Variants in RREB1 observed in about 807,000 individuals in gnomAD.
The protein encoded by RREB1 is ras-responsive element-binding protein 1.
A neutral mutation model predicts 117.8 loss-of-function variants in RREB1; 27 were observed. That is an observed-to-expected ratio of 0.23 (90% confidence interval 0.17 to 0.32). The LOEUF is 0.32. Ranked by LOEUF, RREB1 falls within the 10% of genes least tolerant of loss-of-function variation. RREB1 has a pLI of 1.00. For missense variants in RREB1, 2,577 were observed against 2,378.2 expected (o/e 1.08, Z -1.74); for synonymous variants, 1,298 against 1,026.7 (o/e 1.26, Z -5.05).
intron 6 of RREB1, among the ~76,000 whole-genome samples, chr6:7,197,812 G>A (rs371409371): frequency 1.3e-5 from 2 of 152,182 alleles, no homozygotes; most frequent in South Asian, 2.1e-4. Context: ...CTGGACATCA[G>A]GATAGGCTTC....
At chr6:7,116,042 ACC>A (rs1761383234) in intron 1 of RREB1, among the ~76,000 whole-genome samples, 1 of 152,106 alleles carries the variant, frequency 6.6e-6, no homozygotes, top group South Asian at 2.1e-4. Flanking sequence ...ATTTCCTGCC[ACC>A]AGTTTCTCCT....
intron 1 of RREB1, among the ~76,000 whole-genome samples, chr6:7,145,545 G>T (rs1762817912): frequency 6.6e-6 from 1 of 152,106 alleles, no homozygotes; most frequent in Admixed American, 6.6e-5. Flanking sequence ...AAGAAGAAAA[G>T]AACTTGATGC....
intron 1 of RREB1, among the ~76,000 whole-genome samples, chr6:7,129,461 T>C (rs1762066058): frequency 6.6e-6 from 1 of 152,226 alleles, no homozygotes; most frequent in South Asian, 2.1e-4. Flanking sequence ...GGTTTGTGTG[T>C]CTGTGCTTTG....
chr6:7,111,829 G>T (rs1271128070), intron 1 of RREB1, among the ~76,000 whole-genome samples: 1 of 152,186 alleles, frequency 6.6e-6, no homozygotes, highest in Non-Finnish European at 1.5e-5. Context: ...GGATTTGTGT[G>T]TATAGTACCC....
intron 1 of RREB1, among the ~76,000 whole-genome samples, chr6:7,149,718 G>A (rs957786007): frequency 1.3e-5 from 2 of 152,150 alleles, no homozygotes; most frequent in African/African-American, 2.4e-5. Flanking sequence ...ACAGAGTTTC[G>A]CTCTGGTCGC....
intron 6 of RREB1, among the ~76,000 whole-genome samples, chr6:7,202,613 G>A (rs1415962063): frequency 2.6e-5 from 4 of 152,190 alleles, no homozygotes; most frequent in Non-Finnish European, 4.4e-5. Flanking sequence ...TGTAATATGG[G>A]GATATTCAGC....
chr6:7,231,779 C>G lies in RREB1; in HGVS notation c.3680C>G (p.Pro1227Arg). The change falls in exon 10 of 13, where the codon CCA becomes CGA. Residue 1227 changes from proline to arginine, a missense_variant. Coordinates refer to ENST00000379938, the MANE Select transcript of RREB1 (RefSeq NM_001003699.4). ...GPSDEEQGSP[P>R]EDKLLRAKRN... ...AGTGATGAAGAGCAGGGCAGTCCCC[C>G]AGAAGACAAGCTGCTGAGGGCCAAG... 2 of 1,613,820 alleles carry G rather than the reference C, an allele frequency of 1.2e-6. No homozygotes were observed. Among genetic ancestry groups the G allele is most frequent in the South Asian group, 1.1e-5 (1 of 91,086 alleles).
chr6:7,230,816 G>A lies in RREB1; in HGVS notation c.2717G>A (p.Gly906Asp), dbSNP rs768421497. The stretch of plus-strand genomic sequence containing the variant: ...GAGCCCCTGGACTTCTCGCAGAAGG[G>A]CCTGGCCCTGGTCCAAGTGAAGCAG... ...FNEPLDFSQKGLALVQVKQEN... is the reference protein window; with the variant it reads ...FNEPLDFSQKDLALVQVKQEN... Residue 906 changes from glycine to aspartate, a missense_variant, in exon 10 of 13, where the codon GGC becomes GAC. Physicochemically the swap from Gly to Asp is moderately conservative, Grantham distance 94. Transcript: ENST00000379938. 3 of 1,614,234 alleles carry A rather than the reference G, an allele frequency of 1.9e-6. No individual in the cohort carries two copies. Among genetic ancestry groups the A allele is most frequent in the Middle Eastern group, 1.6e-4 (1 of 6,062 alleles).
intron 2 of RREB1, among the ~76,000 whole-genome samples, chr6:7,180,542 G>A (rs1764734391): frequency 6.6e-6 from 1 of 152,236 alleles, no homozygotes; most frequent in Admixed American, 6.5e-5. Context: ...TAAAATGAGG[G>A]AAGCAGTAGA....
rs758136517 is a variant in RREB1 at position 7,240,466 on chromosome 6, C to T, written c.3837C>T (p.Cys1279=). The T allele has an allele frequency of 2.5e-6, 4 of 1,613,514 alleles. No individual in the cohort carries two copies. Among genetic ancestry groups the T allele is most frequent in the East Asian group, 2.2e-5 (1 of 44,868 alleles). The stretch of plus-strand genomic sequence containing the variant: ...AGAAACCCTTCCCTTGTCAAAAATG[C>T]GATGCCTTCTTTTCTACCAAATCTA... The part of the protein sequence containing the change: ...TGQKPFPCQK[C]DAFFSTKSNC... Residue 1279 remains cysteine (C), a synonymous_variant, in exon 11 of 13, where the codon TGC becomes TGT. Coordinates refer to ENST00000379938, the MANE Select transcript of RREB1 (RefSeq NM_001003699.4).
intron 1 of RREB1, among the ~76,000 whole-genome samples, chr6:7,115,597 G>A (rs1052964116): frequency 2.0e-5 from 3 of 152,112 alleles, no homozygotes; most frequent in Non-Finnish European, 4.4e-5. Context: ...TGGTGCTCAG[G>A]GCCATTGCTC....
intron 6 of RREB1, among the ~76,000 whole-genome samples, chr6:7,208,834 T>G (rs574028978): frequency 6.6e-5 from 10 of 152,230 alleles, no homozygotes; most frequent in Non-Finnish European, 1.5e-4. Flanking sequence ...TCAGGTTATA[T>G]CCTTAAGATT....
rs1581605986 is a variant in RREB1, at chr6:7,250,662, T to G, written c.*1694T>G. 1 of 152,174 alleles carries G rather than the reference T, an allele frequency of 6.6e-6. No individual in the cohort carries two copies. Among genetic ancestry groups the G allele is most frequent in the Non-Finnish European group, 1.5e-5 (1 of 68,020 alleles). The allele number at this position is 152,174 out of a possible 1,614,324, so 9.4% of individuals were successfully genotyped here. A position where few individuals can be genotyped will look rare whatever the true frequency, so the allele number is the denominator to read the frequency against. On this transcript the variant is annotated 3_prime_UTR_variant, in exon 13 of 13. Coordinates refer to ENST00000379938, the MANE Select transcript of RREB1 (RefSeq NM_001003699.4). ...CCCTGGCCTTTTCTGGCCCCAGTGC[T>G]CCTCCTTTACATAGACTTGTTCACA... is the stretch of plus-strand genomic sequence containing the variant.
At chr6:7,190,370 G>A (rs890817369) in intron 6 of RREB1, among the ~76,000 whole-genome samples, 2 of 152,110 alleles carry the variant, frequency 1.3e-5, no homozygotes, top group Non-Finnish European at 2.9e-5. Context: ...ATAAGGCTGA[G>A]GATTCGGTGC....
intron 1 of RREB1, among the ~76,000 whole-genome samples, chr6:7,135,287 A>G (rs1421532105): frequency 1.3e-5 from 2 of 152,208 alleles, no homozygotes; most frequent in African/African-American, 4.8e-5. Flanking sequence ...TTAATCAGTA[A>G]ACGTAAACAA....
In RREB1 at chr6:7,229,511, A is replaced by C; in HGVS notation, c.1412A>C (p.Gln471Pro). ...GESAIELADI[Q>P]QILKMAASAP... The stretch of plus-strand genomic sequence containing the variant: ...TCGGCCATCGAGCTGGCAGACATCC[A>C]GCAAATTCTGAAGATGGCAGCCTCG... Residue 471 changes from glutamine to proline, a missense_variant, in exon 10 of 13, where the codon CAG (glutamine) becomes CCG (proline). Transcript: ENST00000379938. This position sits in a 1 kb window ranked among gnomAD's most constrained non-coding sequence, Gnocchi z 4.5. The C allele has an allele frequency of 1.2e-6, 2 of 1,614,144 alleles. No individual in the cohort carries two copies. Among genetic ancestry groups the C allele is most frequent in the Admixed American group, 3.3e-5 (2 of 60,020 alleles).
At chr6:7,152,579 C>T (rs1297515772) in intron 1 of RREB1, among the ~76,000 whole-genome samples, 1 of 151,960 alleles carries the variant, frequency 6.6e-6, no homozygotes, top group Non-Finnish European at 1.5e-5. Context: ...GAGTGTTTAC[C>T]TTTTTTTTCC....
intron 6 of RREB1, among the ~76,000 whole-genome samples, chr6:7,204,930 A>C (rs1290379871): frequency 1.3e-5 from 2 of 152,226 alleles, no homozygotes; most frequent in Non-Finnish European, 2.9e-5. Context: ...AGTTTCCCAA[A>C]GGATTTTGCC....
intron 1 of RREB1, among the ~76,000 whole-genome samples, chr6:7,137,387 A>G (rs577934095): frequency 6.6e-6 from 1 of 152,380 alleles, no homozygotes; most frequent in Admixed American, 6.5e-5. Context: ...GTCTCAGGAC[A>G]GACAGACCAA....
Sources: gnomAD v4.1 joint callset for allele counts (sites outside exome capture counted in the v4.1 genomes callset) on GRCh38, gnomAD v4.1.1 for gene constraint, Gnocchi (gnomAD v3.1) non-coding constraint, MANE v1.5 for transcripts, NCBI Gene and HGNC (gene_info 2026-07-23, HGNC 2026-07-21) for gene names.